The following DCC variants were observed in gnomAD, a reference collection of about 807,000 sequenced individuals.
DCC encodes netrin receptor DCC.
Under a neutral mutation model 172.5 loss-of-function variants are expected in DCC, and 58 were observed. That is an observed-to-expected ratio of 0.34 (90% CI 0.27 to 0.42). DCC has a LOEUF of 0.42. Ranked by LOEUF, DCC falls within the 10% of genes least tolerant of loss-of-function variation. The pLI is 1.00. For synonymous variants in DCC, 709 were observed against 644.5 expected, an observed-to-expected ratio of 1.10 and a Z score of -1.52; for missense variants, 1,740 against 1,791.0, an observed-to-expected ratio of 0.97 and a Z score of 0.51.
At chr18:52,668,694 C>T (rs1247482386) in intron 1 of DCC, among the ~76,000 whole-genome samples, 2 of 152,156 alleles carry the variant, frequency 1.3e-5, no homozygotes, top group African/African-American at 4.8e-5. Flanking sequence ...TAATGGAAGC[C>T]TTGGTTAAAA....
intron 12 of DCC, among the ~76,000 whole-genome samples, chr18:53,292,117 C>A (rs566699560): frequency 7.1e-4 from 108 of 151,338 alleles, no homozygotes; most frequent in South Asian, 3.8e-3. Context: ...AGCTCCACCC[C>A]CCCCCCCTTT....
intron 21 of DCC, among the ~76,000 whole-genome samples, chr18:53,420,144 C>T (rs1160108515): frequency 6.6e-6 from 1 of 152,190 alleles, no homozygotes; most frequent in Admixed American, 6.5e-5. Context: ...AGTAAGCCAC[C>T]ATGCCCCACC....
intron 5 of DCC, among the ~76,000 whole-genome samples, chr18:52,927,119 G>GTATA (rs1468988769): frequency 1.1e-5 from 1 of 87,638 alleles, no homozygotes; most frequent in Non-Finnish European, 2.5e-5. Context: ...GTATATACGT[G>GTATA]TATATACACG....
chr18:52,842,624 T>C (rs913756355), intron 2 of DCC, among the ~76,000 whole-genome samples: 13 of 152,314 alleles, frequency 8.5e-5, no homozygotes, highest in Admixed American at 5.2e-4. Flanking sequence ...CATGGCCTAG[T>C]TGAGCTGACA....
chr18:53,516,749 TACCATCTC>T (rs1448494335), intron 27 of DCC, among the ~76,000 whole-genome samples: 1 of 146,428 alleles, frequency 6.8e-6, no homozygotes, highest in African/African-American at 2.7e-5. Flanking sequence ...CACAATGAGA[TACCATCTC>T]ACACCAGTTA....
chr18:53,285,346 C>A (rs964075391), intron 12 of DCC, among the ~76,000 whole-genome samples: 3 of 152,174 alleles, frequency 2.0e-5, no homozygotes, highest in Non-Finnish European at 2.9e-5. Context: ...TGGTGCCCTG[C>A]ATCCCAGCCA....
At chr18:52,886,511 G>C (rs955023795) in intron 2 of DCC, among the ~76,000 whole-genome samples, 1 of 152,152 alleles carries the variant, frequency 6.6e-6, no homozygotes, top group African/African-American at 2.4e-5. Flanking sequence ...GACTCTCTCT[G>C]TGTGCATCTT....
intron 1 of DCC, among the ~76,000 whole-genome samples, chr18:52,674,239 T>C (rs1169543371): frequency 6.6e-6 from 1 of 152,172 alleles, no homozygotes; most frequent in African/African-American, 2.4e-5. Context: ...ATTTGCAAGC[T>C]GGAGACCAAG....
At chr18:53,074,549 A>C (rs1012144867) in intron 7 of DCC, among the ~76,000 whole-genome samples, 1 of 152,212 alleles carries the variant, frequency 6.6e-6, no homozygotes, top group Non-Finnish European at 1.5e-5. Context: ...CTGATGGTAC[A>C]TTTATTCAAT....
At chr18:53,264,204 C>T (rs760289402) in intron 12 of DCC, among the ~76,000 whole-genome samples, 12 of 151,964 alleles carry the variant, frequency 7.9e-5, no homozygotes, top group Admixed American at 2.0e-4. Context: ...AAAAGAAACA[C>T]AGGGCTAGGC....
At chr18:52,392,006 A>C (rs751891432) in intron 1 of DCC, among the ~76,000 whole-genome samples, 2 of 152,310 alleles carry the variant, frequency 1.3e-5, no homozygotes, top group Non-Finnish European at 1.5e-5. Flanking sequence ...CGAGTCCACA[A>C]ATTCTTGGCA....
At chr18:52,490,060 G>C (rs558321904) in intron 1 of DCC, among the ~76,000 whole-genome samples, 1 of 152,216 alleles carries the variant, frequency 6.6e-6, no homozygotes, top group South Asian at 2.1e-4. Flanking sequence ...GAAGTTCCCA[G>C]GAGAGCTGTT....
At chr18:53,275,457 G>A (rs1323160112) in intron 12 of DCC, among the ~76,000 whole-genome samples, 1 of 152,110 alleles carries the variant, frequency 6.6e-6, no homozygotes, top group Non-Finnish European at 1.5e-5. Context: ...CACAGAGAGA[G>A]AATTAGATAG....
chr18:53,442,073 C>T (rs901986133), intron 22 of DCC, among the ~76,000 whole-genome samples: 1 of 152,200 alleles, frequency 6.6e-6, no homozygotes, highest in Non-Finnish European at 1.5e-5. Context: ...TGAGCCCCCA[C>T]CAACAGCCAT....
At position 53,179,128 on chromosome 18, in the gene DCC, A is replaced by G. The variant is rs764698276; in HGVS notation, c.1573+12A>G. The G allele has an allele frequency of 2.5e-6, 4 of 1,612,488 alleles. No individual in the cohort carries two copies. In the South Asian group the frequency reaches 4.4e-5, roughly 18 times the overall value. Reference sequence around the variant, plus strand: ...CACACAGCCTGAGTGTGAGTATGAAAAGGAACGGGCCACATTTAAAAAGTA... The same window carrying G: ...CACACAGCCTGAGTGTGAGTATGAAGAGGAACGGGCCACATTTAAAAAGTA... On this transcript the variant is annotated intron_variant, in intron 9 of 28. Coordinates refer to ENST00000442544, the MANE Select transcript of DCC (RefSeq NM_005215.4).
chr18:53,106,776 C>T (rs540309640), intron 7 of DCC, among the ~76,000 whole-genome samples: 53 of 151,806 alleles, frequency 3.5e-4, no homozygotes, highest in Non-Finnish European at 4.9e-4. Flanking sequence ...TTTCCAAAAG[C>T]ATGAGAAAGA....
chr18:52,600,864 A>G (rs1042320351), intron 1 of DCC, among the ~76,000 whole-genome samples: 2 of 152,108 alleles, frequency 1.3e-5, no homozygotes, highest in Non-Finnish European at 2.9e-5. Flanking sequence ...TGTGGCTTGT[A>G]AAATATTCTT....
At chr18:52,410,474 T>G (rs1233037436) in intron 1 of DCC, among the ~76,000 whole-genome samples, 2 of 152,146 alleles carry the variant, frequency 1.3e-5, no homozygotes, top group Non-Finnish European at 2.9e-5. Flanking sequence ...TGAAAAGTTT[T>G]GGTGTTTTTG....
intron 2 of DCC, among the ~76,000 whole-genome samples, chr18:52,780,243 C>T (rs1378453575): frequency 2.0e-5 from 3 of 152,062 alleles, no homozygotes; most frequent in Admixed American, 6.6e-5. Flanking sequence ...CAAATTGACA[C>T]AACCCAGGAA....
Sources: allele counts gnomAD v4.1 joint callset (sites outside exome capture counted in the v4.1 genomes callset), GRCh38; gene constraint gnomAD v4.1.1; transcripts MANE v1.5; gene names NCBI Gene and HGNC (gene_info 2026-07-23, HGNC 2026-07-21).